Variants in GET4 observed in about 807,000 individuals in gnomAD.
The protein encoded by GET4 is Golgi to ER traffic protein 4 homolog.
Under a neutral mutation model 40.0 loss-of-function variants are expected in GET4, and 20 were observed. That is an observed-to-expected ratio of 0.50 (90% confidence interval 0.35 to 0.73). The LOEUF (loss-of-function observed/expected upper bound fraction) is 0.73, where lower values mean the gene tolerates loss of function less well. Among genes scored for constraint, GET4 ranks in the 30% least tolerant of loss-of-function variants. The pLI is 0.01. For missense variants in GET4, 557 were observed against 454.0 expected, an observed-to-expected ratio of 1.23 and a Z score of -2.06; for synonymous variants, 280 against 194.6, an observed-to-expected ratio of 1.44 and a Z score of -3.65.
intron 8 of GET4, among the ~76,000 whole-genome samples, chr7:895,010 C>G (rs1335525175): frequency 4.6e-5 from 7 of 152,048 alleles, no homozygotes; most frequent in Non-Finnish European, 1.0e-4. Flanking sequence ...TTCTGTAGGT[C>G]CCTCCGTGGC....
chr7:886,730 C>G (rs1474002732), intron 3 of GET4, 80 bp downstream of exon 3: 5 of 929,612 alleles, frequency 5.4e-6, no homozygotes, highest in Non-Finnish European at 8.8e-6. Flanking sequence ...CGCTGTGTTT[C>G]GTGTCTGCGT....
rs1844342327 is a variant in GET4, at chr7:892,266, T to G, written c.606-12T>G. ...TCCAGCCCTTCCACCACCAGCATGT[T>G]CTCATTTCCAGGTTTCTCTGTTTAA... On this transcript the variant is annotated splice_polypyrimidine_tract_variant and intron_variant, in intron 5 of 8. Coordinates refer to ENST00000265857, the MANE Select transcript of GET4 (RefSeq NM_015949.3). 1 of 1,584,974 alleles carries G rather than the reference T, an allele frequency of 6.3e-7. No individual in the cohort carries two copies. Among genetic ancestry groups the G allele is most frequent in the African/African-American group, 1.3e-5 (1 of 74,480 alleles).
chr7:890,427 T>G (rs1165435892), intron 4 of GET4, among the ~76,000 whole-genome samples: 2 of 133,600 alleles, frequency 1.5e-5, no homozygotes, highest in Non-Finnish European at 3.2e-5. Context: ...GGCCTGGGAG[T>G]GGAGGGAGTG....
intron 1 of GET4, chr7:881,107 C>G (rs1299855278): frequency 6.6e-6 from 1 of 152,152 alleles, no homozygotes; most frequent in African/African-American, 2.4e-5. Context: ...TCAGGTGATA[C>G]GCCCGCCCCA....
intron 3 of GET4, 42 bp from the exon 4 acceptor site, chr7:887,328 G>C (rs1310101677): frequency 1.3e-6 from 2 of 1,557,422 alleles, no homozygotes; most frequent in Non-Finnish European, 1.8e-6. Context: ...GAGAGCCGGA[G>C]TGGCCGTGCG....
intron 4 of GET4, among the ~76,000 whole-genome samples, chr7:890,707 A>T (rs1309901622): frequency 6.6e-6 from 1 of 152,082 alleles, no homozygotes; most frequent in East Asian, 1.9e-4. Context: ...AAGATGTTGC[A>T]TAGCTGAGTG....
At chr7:876,851 C>T (rs1843959981) in intron 1 of GET4, 51 bp downstream of exon 1, 9 of 1,019,588 alleles carry the variant, frequency 8.8e-6, no homozygotes, top group Non-Finnish European at 9.8e-6. Flanking sequence ...CCGCCGCCTC[C>T]CATTGGCCGC....
chr7:890,924 G>A lies in GET4; in HGVS notation c.467-4G>A. 1 of 1,598,372 alleles carries A rather than the reference G, an allele frequency of 6.3e-7. No homozygotes were observed. Among genetic ancestry groups the A allele is most frequent in the Non-Finnish European group, 8.6e-7 (1 of 1,166,088 alleles). On this transcript the variant is annotated splice_region_variant and splice_polypyrimidine_tract_variant and intron_variant, in intron 4 of 8. Transcript: ENST00000265857. ...ATTTACATTTTTCTGTCTTTCCTTT[G>A]CAGAACAAAACTATTGTGAGTCGAG... is the stretch of plus-strand genomic sequence containing the variant.
chr7:894,979 C>T (rs982133702), intron 8 of GET4, among the ~76,000 whole-genome samples: 6 of 151,862 alleles, frequency 4.0e-5, no homozygotes, highest in African/African-American at 1.4e-4. Context: ...TCAAAAATCT[C>T]TTTCCGTGAG....
intron 4 of GET4, among the ~76,000 whole-genome samples, chr7:888,593 A>G (rs1379032965): frequency 6.6e-6 from 1 of 152,214 alleles, no homozygotes; most frequent in Admixed American, 6.5e-5. Flanking sequence ...CGGGGCACCC[A>G]CAGGGAGATG....
intron 6 of GET4, among the ~76,000 whole-genome samples, chr7:892,993 G>T (rs10237578): frequency 1.2e-4 from 18 of 149,582 alleles, no homozygotes; most frequent in Admixed American, 3.3e-4. Context: ...AAGTGTTGGG[G>T]GCGGGCGTGG....
Position 895,443 on chromosome 7 carries a change from A to C in GET4, c.*21A>C, listed in dbSNP as rs762603731. The C allele has an allele frequency of 1.5e-6, 2 of 1,349,690 alleles. No homozygotes were observed. The highest frequency in any genetic ancestry group is 1.1e-6 in the Non-Finnish European group (1 of 948,434). 83.6% of individuals were successfully genotyped at this position (1,349,690 alleles called of 1,614,324 possible). A position where few individuals can be genotyped will look rare whatever the true frequency, so the allele number is the denominator to read the frequency against. On this transcript the variant is annotated 3_prime_UTR_variant, in exon 9 of 9. Transcript: ENST00000265857. ...ACTGAACTGGCCAGGCCACGTGGAG[A>C]CACCACGGTCGACGACGGCTGGAGG... is the stretch of plus-strand genomic sequence containing the variant.
At chr7:879,634 A>G (rs1209248684) in intron 1 of GET4, among the ~76,000 whole-genome samples, 1 of 152,180 alleles carries the variant, frequency 6.6e-6, no homozygotes, top group Non-Finnish European at 1.5e-5. Context: ...ATAAATACAC[A>G]CCAGCCAGGC....
At chr7:879,168 G>A (rs1217697877) in intron 1 of GET4, among the ~76,000 whole-genome samples, 1 of 152,252 alleles carries the variant, frequency 6.6e-6, no homozygotes, top group African/African-American at 2.4e-5. Context: ...AAACTCTGGA[G>A]GTGCCACTTT....
At chr7:895,057 C>T (rs1466366838) in intron 8 of GET4, among the ~76,000 whole-genome samples, 3 of 151,412 alleles carry the variant, frequency 2.0e-5, no homozygotes, top group East Asian at 3.9e-4. Context: ...TCTGTAGGCC[C>T]CCGTGGCTGC....
At chr7:894,300 C>T (rs760409948) in intron 8 of GET4, among the ~76,000 whole-genome samples, 7 of 152,172 alleles carry the variant, frequency 4.6e-5, no homozygotes, top group African/African-American at 7.2e-5. Flanking sequence ...GCCTGGTGTG[C>T]CCGGGACGCT....
intron 1 of GET4, 22 bp downstream of exon 1, chr7:876,822 C>G (rs1334301043): frequency 8.8e-7 from 1 of 1,142,046 alleles, no homozygotes; most frequent in East Asian, 4.5e-5. Flanking sequence ...CGGCCCTCGC[C>G]GCAGCCCAGC....
intron 5 of GET4, among the ~76,000 whole-genome samples, chr7:891,354 T>C (rs2128629089): frequency 6.6e-6 from 1 of 152,338 alleles, no homozygotes; most frequent in Middle Eastern, 3.4e-3. Context: ...TCTGCTGTAC[T>C]CAGGCCTGCC....
chr7:894,572 C>T (rs1844427695), intron 8 of GET4, among the ~76,000 whole-genome samples: 1 of 152,308 alleles, frequency 6.6e-6, no homozygotes, highest in Non-Finnish European at 1.5e-5. Context: ...CACCCTGGCC[C>T]TCACCGTGCC....
Sources: gnomAD v4.1 joint callset for allele counts (sites outside exome capture counted in the v4.1 genomes callset) on GRCh38, gnomAD v4.1.1 for gene constraint, MANE v1.5 for transcripts, NCBI Gene and HGNC (gene_info 2026-07-23, HGNC 2026-07-21) for gene names.